LDB2: variants seen among roughly 807,000 people sequenced by gnomAD.
LDB2 encodes the protein LIM domain binding 2.
Under a neutral mutation model 44.3 loss-of-function variants are expected in LDB2, and 12 were observed. The observed-to-expected ratio is 0.27, with a 90% CI of 0.17 to 0.44. The LOEUF (loss-of-function observed/expected upper bound fraction) is 0.44. Among genes scored for constraint, LDB2 ranks in the 20% least tolerant of loss-of-function variants. The pLI is 1.00. For missense variants in LDB2, 344 were observed against 473.5 expected (o/e 0.73, Z 2.54); for synonymous variants, 164 against 174.8 (o/e 0.94, Z 0.49).
At chr4:16,687,939 G>A (rs1313277658) in intron 2 of LDB2, among the ~76,000 whole-genome samples, 2 of 152,176 alleles carry the variant, frequency 1.3e-5, no homozygotes, top group African/African-American at 4.8e-5. Flanking sequence ...ATTGCCTACA[G>A]TGATTCAGAA....
chr4:16,579,083 CCAAA>C (rs1182912091), intron 5 of LDB2, among the ~76,000 whole-genome samples: 2 of 151,756 alleles, frequency 1.3e-5, no homozygotes, highest in East Asian at 1.9e-4. Context: ...TAATTGGTGC[CCAAA>C]CAGAGTTAGA....
chr4:16,608,835 G>T (rs945961595), intron 2 of LDB2, among the ~76,000 whole-genome samples: 1 of 152,106 alleles, frequency 6.6e-6, no homozygotes, highest in Non-Finnish European at 1.5e-5. Flanking sequence ...GACATCTGCT[G>T]GACCACACGA....
intron 1 of LDB2, among the ~76,000 whole-genome samples, chr4:16,885,906 G>A (rs772972082): frequency 6.6e-5 from 10 of 152,096 alleles, no homozygotes; most frequent in East Asian, 1.9e-4. Context: ...ATCTTCTACC[G>A]CAATGGGAGA....
At chr4:16,693,432 C>T (rs752285711) in intron 2 of LDB2, among the ~76,000 whole-genome samples, 1 of 150,598 alleles carries the variant, frequency 6.6e-6, no homozygotes, top group Non-Finnish European at 1.5e-5. Context: ...CGCGGCTCAC[C>T]GCAACCTCCG....
chr4:16,523,544 C>G (rs879351184), intron 5 of LDB2, among the ~76,000 whole-genome samples: 1 of 152,206 alleles, frequency 6.6e-6, no homozygotes, highest in Non-Finnish European at 1.5e-5. Flanking sequence ...GAATGCCATA[C>G]TGCGACAGTC....
rs79196302 is a variant in LDB2, at chr4:16,505,538, A to T, written c.892-2665T>A. ...TCTGCTCTGGCAGTCTTGATTTGTT[A>T]TTCTCACACAAAATAAATAAAGCAT... is the stretch of plus-strand genomic sequence containing the variant. On this transcript the variant is annotated intron_variant, in intron 7 of 7. Coordinates refer to ENST00000304523, the MANE Select transcript of LDB2 (RefSeq NM_001290.5). Among the ~76,000 whole-genome samples, 758 of 152,286 alleles carry T rather than the reference A, an allele frequency of 5.0e-3. 35 individuals carry two copies. In the East Asian group the frequency reaches 0.1, roughly 21 times the overall value.
chr4:16,880,643 G>A, intron 1 of LDB2, among the ~76,000 whole-genome samples: 1 of 152,092 alleles, frequency 6.6e-6, no homozygotes. Context: ...CCTTGGCCCT[G>A]TGTCCTCTGC....
At chr4:16,741,167 G>A (rs906088806) in intron 2 of LDB2, among the ~76,000 whole-genome samples, 1 of 152,310 alleles carries the variant, frequency 6.6e-6, no homozygotes, top group East Asian at 1.9e-4. Flanking sequence ...TCATTCTGGG[G>A]CAGATCGTCG....
At chr4:16,695,111 G>A (rs1053978103) in intron 2 of LDB2, among the ~76,000 whole-genome samples, 3 of 152,214 alleles carry the variant, frequency 2.0e-5, no homozygotes, top group South Asian at 2.1e-4. Flanking sequence ...GGAACCTCAA[G>A]AGGGGGCTTC....
intron 1 of LDB2, among the ~76,000 whole-genome samples, chr4:16,855,457 G>A (rs1020809987): frequency 6.6e-6 from 1 of 152,080 alleles, no homozygotes; most frequent in Non-Finnish European, 1.5e-5. Context: ...AAAAACACTT[G>A]TATGATTGTT....
In LDB2 at chr4:16,720,119, T is replaced by C. The variant is rs115452797; in HGVS notation, c.235+39039A>G. Among the ~76,000 whole-genome samples, 648 of 152,246 alleles carry C rather than the reference T, an allele frequency of 4.3e-3. 5 individuals are homozygous for C. The highest frequency in any genetic ancestry group is 0.015 in the African/African-American group (614 of 41,552). ...GAGCCTGATGTGATGGTTGATTTTATGTGCGAATTGGCTAGTTTCTAATGT... is the reference window on the plus strand; with the variant it reads ...GAGCCTGATGTGATGGTTGATTTTACGTGCGAATTGGCTAGTTTCTAATGT... On this transcript the variant is annotated intron_variant, in intron 2 of 7. Transcript: ENST00000304523.
At chr4:16,517,640 A>T (rs1335986964) in intron 5 of LDB2, among the ~76,000 whole-genome samples, 1 of 152,310 alleles carries the variant, frequency 6.6e-6, no homozygotes, top group East Asian at 1.9e-4. Context: ...AAGGCCCGAG[A>T]TCCCTCTTTG....
intron 1 of LDB2, among the ~76,000 whole-genome samples, chr4:16,878,548 T>C (rs1315337226): frequency 6.6e-6 from 1 of 152,198 alleles, no homozygotes. Flanking sequence ...GTTTTCAAAA[T>C]GTCATTCTAA....
At chr4:16,752,934 A>G (rs1031646480) in intron 2 of LDB2, among the ~76,000 whole-genome samples, 2 of 152,012 alleles carry the variant, frequency 1.3e-5, no homozygotes, top group Admixed American at 6.6e-5. Flanking sequence ...TACTTTATGG[A>G]AGACCAAGTC....
intron 1 of LDB2, among the ~76,000 whole-genome samples, chr4:16,874,687 T>G (rs2110373155): frequency 6.6e-6 from 1 of 152,336 alleles, no homozygotes. Context: ...ATCATGTCTG[T>G]TTTCTAAAAG....
intron 1 of LDB2, among the ~76,000 whole-genome samples, chr4:16,886,473 G>A (rs1210753486): frequency 6.6e-6 from 1 of 152,116 alleles, no homozygotes; most frequent in African/African-American, 2.4e-5. Flanking sequence ...ATATGTATGT[G>A]TGCATTAAAT....
chr4:16,794,048 T>C (rs1776273372), intron 1 of LDB2, among the ~76,000 whole-genome samples: 2 of 152,156 alleles, frequency 1.3e-5, no homozygotes, highest in South Asian at 4.2e-4. Flanking sequence ...CAAAATCTGT[T>C]TGCATCCTTC....
chr4:16,850,910 C>A (rs1419181670), intron 1 of LDB2, among the ~76,000 whole-genome samples: 3 of 149,666 alleles, frequency 2.0e-5, no homozygotes, highest in Non-Finnish European at 4.4e-5. Context: ...GAGATAGATA[C>A]TTAGGAGAAA....
At chr4:16,867,678 T>G (rs181807209) in intron 1 of LDB2, among the ~76,000 whole-genome samples, 13 of 152,234 alleles carry the variant, frequency 8.5e-5, no homozygotes, top group Non-Finnish European at 1.9e-4. Flanking sequence ...TAAGAACCAG[T>G]AATTCATCGG....
Sources: allele counts gnomAD v4.1 joint callset (sites outside exome capture counted in the v4.1 genomes callset), GRCh38; gene constraint gnomAD v4.1.1; transcripts MANE v1.5; gene names NCBI Gene and HGNC (gene_info 2026-07-23, HGNC 2026-07-21).